PIP5K1A: variants seen among roughly 807,000 people sequenced by gnomAD.
The protein encoded by PIP5K1A is phosphatidylinositol-4-phosphate 5-kinase type 1 alpha.
In PIP5K1A, 46 loss-of-function variants were observed where a neutral mutation model predicts 72.9. The observed-to-expected ratio is 0.63, with a 90% CI of 0.50 to 0.81. The LOEUF is 0.81. Ranked by LOEUF, PIP5K1A falls within the 30% of genes least tolerant of loss-of-function variation. PIP5K1A has a pLI of 0.00. For missense variants in PIP5K1A, 458 were observed against 706.1 expected (o/e 0.65, Z 3.98); for synonymous variants, 228 against 255.1 (o/e 0.89, Z 1.01).
intron 1 of PIP5K1A, chr1:151,223,953 G>A: frequency 2.3e-6 from 1 of 442,424 alleles, no homozygotes; most frequent in Non-Finnish European, 4.1e-6. Flanking sequence ...GGGCGATAGA[G>A]TGAGACTCCA....
At chr1:151,229,136 C>G (rs1405546837) in intron 4 of PIP5K1A, among the ~76,000 whole-genome samples, 1 of 135,964 alleles carries the variant, frequency 7.4e-6, no homozygotes, top group Non-Finnish European at 1.5e-5. Context: ...CCATTGCACT[C>G]CAGCCTGGGC....
At position 151,236,778 on chromosome 1, in the gene PIP5K1A, G is replaced by A. The variant is rs1558290842; in HGVS notation, c.1145+15G>A. ...ACTGATGACCAGTAAGTGGGCTCAG[G>A]GCCACTAGGGGGGAGAACATAGGCC... On this transcript the variant is annotated intron_variant, in intron 9 of 15. Transcript: ENST00000368888. 6.4e-7 allele frequency: 1 copy of A among 1,574,486 alleles called. No homozygotes were observed. The highest frequency in any genetic ancestry group is 1.7e-5 in the Admixed American group (1 of 59,488).
chr1:151,232,003 T>C (rs1361191701), intron 5 of PIP5K1A, among the ~76,000 whole-genome samples: 1 of 152,172 alleles, frequency 6.6e-6, no homozygotes, highest in Non-Finnish European at 1.5e-5. Flanking sequence ...GTCCTATGGA[T>C]TGACCCGTAA....
intron 1 of PIP5K1A, among the ~76,000 whole-genome samples, chr1:151,200,257 C>T (rs1484079094): frequency 6.6e-6 from 1 of 151,646 alleles, no homozygotes; most frequent in Non-Finnish European, 1.5e-5. Flanking sequence ...AGAATGCTTA[C>T]GCTGTATCAG....
chr1:151,238,405 T>C, intron 10 of PIP5K1A, 140 bp downstream of exon 10: 1 of 647,998 alleles, frequency 1.5e-6, no homozygotes, highest in Admixed American at 2.4e-5. Flanking sequence ...TTCATTAGTT[T>C]TCAGATGGTT....
At chr1:151,236,805 A>C (rs370832239) in intron 9 of PIP5K1A, 42 bp downstream of exon 9, 55 of 1,051,598 alleles carry the variant, frequency 5.2e-5, no homozygotes, top group Non-Finnish European at 6.6e-5. Context: ...ACATAGGCCC[A>C]CAGCACTTTT....
intron 3 of PIP5K1A, among the ~76,000 whole-genome samples, chr1:151,226,211 C>T (rs1176257968): frequency 2.6e-5 from 4 of 151,548 alleles, no homozygotes; most frequent in Non-Finnish European, 2.9e-5. Flanking sequence ...CTCAGCCTCC[C>T]GAGTAGCTGG....
Position 151,236,681 on chromosome 1 carries a change from C to T in PIP5K1A, c.1063C>T (p.Pro355Ser). 2 of 1,613,966 alleles carry T rather than the reference C, an allele frequency of 1.2e-6. No individual in the cohort carries two copies. The highest frequency in any genetic ancestry group is 2.2e-5 in the South Asian group (2 of 91,056). The change falls in exon 9 of 16, where the codon CCC (proline) becomes TCC (serine). Residue 355 changes from proline to serine, a missense_variant. Transcript: ENST00000368888. ...CTCAGTTGATACTCGAAGACCGGCC[C>T]CCCAAAAGGCTCTGTATTCCACAGC... ...QYSVDTRRPA[P>S]QKALYSTAME...
intron 12 of PIP5K1A, among the ~76,000 whole-genome samples, chr1:151,241,866 T>A (rs2101635605): frequency 6.6e-6 from 1 of 151,946 alleles, no homozygotes; most frequent in South Asian, 2.1e-4. Flanking sequence ...AAAGCAGTCA[T>A]CAAGGCTCCA....
intron 1 of PIP5K1A, among the ~76,000 whole-genome samples, chr1:151,202,749 G>A (rs974918252): frequency 1.3e-5 from 2 of 149,362 alleles, no homozygotes; most frequent in Non-Finnish European, 3.0e-5. Context: ...GATTACAGGC[G>A]TGAGCCACCA....
chr1:151,239,277 T>A, intron 11 of PIP5K1A, 99 bp downstream of exon 11: 1 of 180,668 alleles, frequency 5.5e-6, no homozygotes, highest in Non-Finnish European at 1.1e-5. Flanking sequence ...TTCTTTTTTC[T>A]TTTTTTTTTT....
intron 1 of PIP5K1A, among the ~76,000 whole-genome samples, chr1:151,203,059 G>A (rs1392339103): frequency 1.3e-5 from 2 of 152,068 alleles, no homozygotes; most frequent in Non-Finnish European, 1.5e-5. Flanking sequence ...GGCTTTAGCC[G>A]CCGCCGCTGG....
chr1:151,203,529 C>CA (rs779807830), intron 1 of PIP5K1A, among the ~76,000 whole-genome samples: 2,758 of 91,476 alleles, frequency 0.03, 45 homozygotes, highest in African/African-American at 0.053. Flanking sequence ...AACTCCATCT[C>CA]AAAAAAAAAA....
At chr1:151,210,718 C>T (rs1349122930) in intron 1 of PIP5K1A, among the ~76,000 whole-genome samples, 12 of 151,694 alleles carry the variant, frequency 7.9e-5, no homozygotes, top group African/African-American at 2.7e-4. Flanking sequence ...CCCGAGTAGT[C>T]GGGATTACAG....
intron 1 of PIP5K1A, among the ~76,000 whole-genome samples, chr1:151,211,003 G>C (rs991666354): frequency 6.6e-6 from 1 of 152,166 alleles, no homozygotes. Context: ...TATCTGGCTA[G>C]CCTTTAGTGT....
chr1:151,213,114 G>A (rs374409891), intron 1 of PIP5K1A, among the ~76,000 whole-genome samples: 37 of 152,044 alleles, frequency 2.4e-4, no homozygotes, highest in African/African-American at 7.0e-4. Flanking sequence ...GGATGGTCTC[G>A]ATCTGACCTT....
At chr1:151,196,550 ATTTT>A (rs5777766), upstream of PIP5K1A, among the ~76,000 whole-genome samples, 2 of 114,764 alleles carry the variant, frequency 1.7e-5, no homozygotes, top group South Asian at 2.8e-4. Flanking sequence ...ATGCATGGGG[ATTTT>A]TTTTTTTTTT....
At chr1:151,221,752 G>GGAT (rs1688428851) in intron 1 of PIP5K1A, among the ~76,000 whole-genome samples, 1 of 152,134 alleles carries the variant, frequency 6.6e-6, no homozygotes, top group Admixed American at 6.6e-5. Context: ...TTATCCATAG[G>GGAT]GATGAATCTC....
At chr1:151,232,512 A>C in intron 6 of PIP5K1A, 39 bp from the exon 7 acceptor site, 1 of 1,584,906 alleles carries the variant, frequency 6.3e-7, no homozygotes, top group Non-Finnish European at 8.6e-7. Flanking sequence ...CAAGGCCCTG[A>C]TGTGTCTAAA....
Sources: gnomAD v4.1 joint callset for allele counts (sites outside exome capture counted in the v4.1 genomes callset) on GRCh38, gnomAD v4.1.1 for gene constraint, MANE v1.5 for transcripts, NCBI Gene and HGNC (gene_info 2026-07-23, HGNC 2026-07-21) for gene names.